The following ZNF804B variants were observed in gnomAD, a reference collection of about 807,000 sequenced individuals.
The protein encoded by ZNF804B is zinc finger 804B.
A neutral mutation model predicts 101.4 loss-of-function variants in ZNF804B; 80 were observed. The observed-to-expected ratio is 0.79, with a 90% CI of 0.66 to 0.95. The LOEUF is 0.95. ZNF804B is among the 40% of genes least tolerant of loss of function. The pLI is 0.00. For missense variants in ZNF804B, 1,673 were observed against 1,561.9 expected, an observed-to-expected ratio of 1.07 and a Z score of -1.20; for synonymous variants, 622 against 558.8, an observed-to-expected ratio of 1.11 and a Z score of -1.59.
rs537389973 is a variant in ZNF804B at position 89,207,462 on chromosome 7, A to G, written c.109-10693A>G. On this transcript the variant is annotated intron_variant, in intron 1 of 3. Transcript: ENST00000333190. The stretch of plus-strand genomic sequence containing the variant: ...CTATCATGAGAACAGCACAGGAAAA[A>G]ACCCACCCCCAGTGACTTGATTACT... 2.0e-5 allele frequency among the ~76,000 whole-genome samples: 3 copies of G among 152,244 alleles called. No homozygotes were observed. In the South Asian group the frequency reaches 6.2e-4, roughly 32 times the overall value.
intron 2 of ZNF804B, among the ~76,000 whole-genome samples, chr7:89,245,223 A>G (rs1208825): frequency 0.74 from 111,305 of 150,432 alleles, 41,319 homozygotes; most frequent in African/African-American, 0.83. Flanking sequence ...CAAGTAAATA[A>G]AAACTCAGAA....
intron 1 of ZNF804B, among the ~76,000 whole-genome samples, chr7:89,195,714 C>T (rs986806471): frequency 5.9e-5 from 9 of 151,840 alleles, no homozygotes; most frequent in Admixed American, 3.9e-4. Context: ...TCTTAGGATG[C>T]AAAATCAATG....
chr7:89,163,567 T>A (rs1433601568), intron 1 of ZNF804B, among the ~76,000 whole-genome samples: 2 of 152,200 alleles, frequency 1.3e-5, no homozygotes, highest in African/African-American at 4.8e-5. Flanking sequence ...GTTATCTTTT[T>A]TTCCTTTGCT....
chr7:89,150,992 A>G (rs1351771081), intron 1 of ZNF804B, among the ~76,000 whole-genome samples: 2 of 152,174 alleles, frequency 1.3e-5, no homozygotes, highest in African/African-American at 2.4e-5. Flanking sequence ...AGGAAATATT[A>G]TTAAAAATAA....
At position 88,782,098 on chromosome 7, in the gene ZNF804B, A is replaced by AGTGT. The variant is rs879516206; in HGVS notation, c.108+22017_108+22018insTGTG. On this transcript the variant is annotated intron_variant, in intron 1 of 3. Coordinates refer to ENST00000333190, the MANE Select transcript of ZNF804B (RefSeq NM_181646.5). ...TAGTGACTATCCCAGCTTTTGTGTG[A>AGTGT]GTGCGTGTGTGTGTGTGTGTGTGTG... Among the ~76,000 whole-genome samples the AGTGT allele has an allele frequency of 1.2e-3, 158 of 132,198 alleles. 1 individual carries two copies. Among genetic ancestry groups the AGTGT allele is most frequent in the East Asian group, 6.9e-3 (28 of 4,082 alleles). The allele number at this position is 132,198 out of a possible 152,430, so 86.7% of individuals were successfully genotyped here. A position where few individuals can be genotyped will look rare whatever the true frequency, so the allele number is the denominator to read the frequency against.
At chr7:89,301,235 G>C (rs12532029) in intron 2 of ZNF804B, among the ~76,000 whole-genome samples, 1 of 147,670 alleles carries the variant, frequency 6.8e-6, no homozygotes, top group East Asian at 2.0e-4. Context: ...TTATTTTTTA[G>C]AGTTTAGCTG....
At position 89,159,112 on chromosome 7, in the gene ZNF804B, ATC is replaced by A. The variant is rs537556442; in HGVS notation, c.109-59037_109-59036del. ...TTGAGAGGAGTGAATTTACTAAGTCATCTCTCTATTCTCAATCTCCTGGATGA... is the reference window on the plus strand; with the variant it reads ...TTGAGAGGAGTGAATTTACTAAGTCATCTCTATTCTCAATCTCCTGGATGA... On this transcript the variant is annotated intron_variant, in intron 1 of 3. Coordinates refer to ENST00000333190, the MANE Select transcript of ZNF804B (RefSeq NM_181646.5). Among the ~76,000 whole-genome samples the A allele has an allele frequency of 5.3e-5, 8 of 152,286 alleles. No homozygotes were observed. In the South Asian group the frequency reaches 1.7e-3, roughly 32 times the overall value.
intron 1 of ZNF804B, among the ~76,000 whole-genome samples, chr7:89,043,009 A>G (rs751718272): frequency 6.6e-5 from 10 of 152,210 alleles, no homozygotes; most frequent in Non-Finnish European, 1.2e-4. Context: ...CATTTCATAA[A>G]ATATGCCTTT....
intron 1 of ZNF804B, among the ~76,000 whole-genome samples, chr7:89,212,383 C>G (rs1179758115): frequency 6.6e-6 from 1 of 151,744 alleles, no homozygotes; most frequent in East Asian, 1.9e-4. Flanking sequence ...CTTCCTGTAA[C>G]AAAAGACAAA....
intron 1 of ZNF804B, among the ~76,000 whole-genome samples, chr7:88,964,853 C>A (rs1000644773): frequency 4.0e-5 from 6 of 151,430 alleles, no homozygotes; most frequent in Non-Finnish European, 8.9e-5. Flanking sequence ...AGCTCCACAG[C>A]TGCAAGGAAG....
chr7:89,248,242 C>T (rs956368069), intron 2 of ZNF804B, among the ~76,000 whole-genome samples: 4 of 151,812 alleles, frequency 2.6e-5, no homozygotes, highest in Non-Finnish European at 4.4e-5. Context: ...CAGCAAGATA[C>T]AAGAAATCCA....
At chr7:89,276,031 A>G (rs1431283440) in intron 2 of ZNF804B, among the ~76,000 whole-genome samples, 1 of 151,878 alleles carries the variant, frequency 6.6e-6, no homozygotes, top group Non-Finnish European at 1.5e-5. Flanking sequence ...ACACGAATGG[A>G]TCTGGAAGCC....
intron 1 of ZNF804B, among the ~76,000 whole-genome samples, chr7:88,793,514 T>G (rs1301805265): frequency 6.6e-6 from 1 of 152,118 alleles, no homozygotes; most frequent in Non-Finnish European, 1.5e-5. Context: ...AGCTATTGTT[T>G]TCTGTAGCTT....
intron 1 of ZNF804B, among the ~76,000 whole-genome samples, chr7:88,854,443 C>CTTTCTTTCTTTCTTTCT (rs1791509375): frequency 7.9e-6 from 1 of 126,294 alleles, no homozygotes; most frequent in Admixed American, 8.4e-5. Flanking sequence ...TTCTTTCTTT[C>CTTTCTTTCTTTCTTTCT]TTTCTTTCTT....
chr7:89,107,781 A>C (rs1478688016), intron 1 of ZNF804B, among the ~76,000 whole-genome samples: 2 of 152,162 alleles, frequency 1.3e-5, no homozygotes, highest in African/African-American at 4.8e-5. Context: ...CCATACAAAA[A>C]GAACAAGCTT....
chr7:88,849,102 C>A lies in ZNF804B; in HGVS notation c.108+89018C>A, dbSNP rs548245849. On this transcript the variant is annotated intron_variant, in intron 1 of 3. Transcript: ENST00000333190. ...TCCCCATAAAATATTCCTTTATATA[C>A]ATGAAACGTGCTATTACGTTTCCTT... Among the ~76,000 whole-genome samples the A allele has an allele frequency of 2.0e-5, 3 of 152,082 alleles. No homozygotes were observed. The East Asian group carries it at 5.8e-4, about 29-fold the overall frequency.
rs1452271545 is a variant in ZNF804B at position 89,334,480 on chromosome 7, G to A, written c.1498G>A (p.Glu500Lys). The A allele has an allele frequency of 6.2e-7, 1 of 1,613,618 alleles. No homozygotes were observed. Among genetic ancestry groups the A allele is most frequent in the Non-Finnish European group, 8.5e-7 (1 of 1,179,856 alleles). ...CCACAATCTAGAGGACTTAAAAACA[G>A]AATTGGGTAAGAAGCCCTTGGAATT... Reference protein sequence around the residue: ...EDHNLEDLKTELGKKPLELKT... With the variant: ...EDHNLEDLKTKLGKKPLELKT... The change falls in exon 4 of 4, where the codon GAA becomes AAA. Residue 500 changes from glutamate to lysine, a missense_variant. Coordinates refer to ENST00000333190, the MANE Select transcript of ZNF804B (RefSeq NM_181646.5).
chr7:89,010,784 A>C (rs1199087814), intron 1 of ZNF804B, among the ~76,000 whole-genome samples: 3 of 152,190 alleles, frequency 2.0e-5, no homozygotes, highest in African/African-American at 7.2e-5. Flanking sequence ...TCAAACCAGA[A>C]TCTAAGGCTG....
intron 1 of ZNF804B, among the ~76,000 whole-genome samples, chr7:88,783,090 C>A (rs1790254082): frequency 6.6e-6 from 1 of 152,036 alleles, no homozygotes; most frequent in Admixed American, 6.6e-5. Flanking sequence ...ATATTGAGTA[C>A]CTTCATAAAA....
Sources: allele counts gnomAD v4.1 joint callset (sites outside exome capture counted in the v4.1 genomes callset), GRCh38; gene constraint gnomAD v4.1.1; transcripts MANE v1.5; gene names NCBI Gene and HGNC (gene_info 2026-07-23, HGNC 2026-07-21).